WDFY2: variants seen among roughly 807,000 people sequenced by gnomAD.
WDFY2 encodes WD repeat and FYVE domain containing 2, also known as WD repeat and FYVE domain-containing protein 2.
In WDFY2, 36 loss-of-function variants were observed where a neutral mutation model predicts 56.4. The ratio of observed to expected loss-of-function variants is 0.64; its 90% confidence interval spans 0.49 to 0.84. WDFY2 has a LOEUF of 0.84. Among genes scored for constraint, WDFY2 ranks in the 40% least tolerant of loss-of-function variants. WDFY2 has a pLI of 0.00. For missense variants in WDFY2, 444 were observed against 512.2 expected (o/e 0.87, Z 1.29); for synonymous variants, 176 against 183.7 (o/e 0.96, Z 0.34).
At chr13:51,695,057 AT>A (rs1451391462) in intron 3 of WDFY2, among the ~76,000 whole-genome samples, 1 of 151,802 alleles carries the variant, frequency 6.6e-6, no homozygotes, top group Non-Finnish European at 1.5e-5. Flanking sequence ...ACTTCTCTAT[AT>A]TGGTTATTCT....
chr13:51,642,512 G>C (rs1466954891), intron 1 of WDFY2, among the ~76,000 whole-genome samples: 1 of 151,886 alleles, frequency 6.6e-6, no homozygotes, highest in Non-Finnish European at 1.5e-5. Flanking sequence ...TGCCCAAGCT[G>C]ATCTGGAACT....
intron 4 of WDFY2, among the ~76,000 whole-genome samples, chr13:51,709,979 C>CA (rs970061191): frequency 1.1e-4 from 16 of 150,670 alleles, no homozygotes; most frequent in African/African-American, 2.5e-4. Flanking sequence ...AGAGACACAA[C>CA]AAAAAAAAAG....
chr13:51,755,388 CA>C lies in WDFY2; in HGVS notation c.866del (p.Lys289SerfsTer21), dbSNP rs749078834. On this transcript the variant is annotated frameshift_variant, in exon 9 of 12. Transcript: ENST00000298125. LOFTEE classifies it high-confidence loss of function. ...TPEWLDSDSC[Q>X]KCDQPFFWNF... ...TGAATGGTTGGACAGTGATTCCTGC[CA>C]AAAGTGTGATCAGCCTTTCTTCTGG... is the stretch of plus-strand genomic sequence containing the variant. 2 of 1,614,002 alleles carry C rather than the reference CA, an allele frequency of 1.2e-6. No individual in the cohort carries two copies. Among genetic ancestry groups the C allele is most frequent in the African/African-American group, 2.7e-5 (2 of 74,890 alleles).
intron 1 of WDFY2, among the ~76,000 whole-genome samples, chr13:51,642,834 C>T (rs1035238896): frequency 6.6e-6 from 1 of 152,012 alleles, no homozygotes; most frequent in Admixed American, 6.6e-5. Flanking sequence ...GTGCACACCA[C>T]CATACCCAGC....
At chr13:51,653,877 T>C (rs1179528775) in intron 1 of WDFY2, among the ~76,000 whole-genome samples, 1 of 152,252 alleles carries the variant, frequency 6.6e-6, no homozygotes, top group Non-Finnish European at 1.5e-5. Flanking sequence ...GGAGGCAGTC[T>C]GTCCGTTCTC....
chr13:51,746,665 T>TA (rs1266205592), intron 7 of WDFY2, among the ~76,000 whole-genome samples: 1 of 152,182 alleles, frequency 6.6e-6, no homozygotes, highest in Non-Finnish European at 1.5e-5. Flanking sequence ...GGGCAATGAG[T>TA]GAGAATTGGG....
chr13:51,694,160 A>T (rs1450511981), intron 3 of WDFY2, among the ~76,000 whole-genome samples: 2 of 152,146 alleles, frequency 1.3e-5, no homozygotes, highest in Non-Finnish European at 2.9e-5. Context: ...GTGTCTCTTA[A>T]TTGGAGCATT....
chr13:51,712,327 T>G (rs1952240151), intron 4 of WDFY2, among the ~76,000 whole-genome samples: 1 of 151,900 alleles, frequency 6.6e-6, no homozygotes, highest in Non-Finnish European at 1.5e-5. Flanking sequence ...GGGATAACAT[T>G]AGGAGAAATA....
At chr13:51,613,024 C>T (rs577642613) in intron 1 of WDFY2, among the ~76,000 whole-genome samples, 18 of 151,838 alleles carry the variant, frequency 1.2e-4, no homozygotes, top group East Asian at 3.9e-4. Flanking sequence ...TGGTGGAGGC[C>T]GTGGTGGCTG....
chr13:51,600,746 A>G (rs1954259429), intron 1 of WDFY2, among the ~76,000 whole-genome samples: 1 of 152,136 alleles, frequency 6.6e-6, no homozygotes, highest in African/African-American at 2.4e-5. Context: ...GAAAGAGAAG[A>G]AAGATAAGCA....
intron 1 of WDFY2, among the ~76,000 whole-genome samples, chr13:51,628,638 C>G (rs922866158): frequency 2.0e-5 from 3 of 152,224 alleles, no homozygotes; most frequent in Non-Finnish European, 4.4e-5. Flanking sequence ...CCGGCCTCTT[C>G]CGAGTGGTCC....
At chr13:51,679,126 C>G (rs1318860311) in intron 3 of WDFY2, among the ~76,000 whole-genome samples, 2 of 152,094 alleles carry the variant, frequency 1.3e-5, no homozygotes, top group African/African-American at 4.8e-5. Flanking sequence ...CATTATGTAA[C>G]GTAAAGGTAC....
At chr13:51,665,369 G>A (rs1955681769) in intron 2 of WDFY2, among the ~76,000 whole-genome samples, 1 of 152,180 alleles carries the variant, frequency 6.6e-6, no homozygotes, top group Non-Finnish European at 1.5e-5. Context: ...CTCAGATTAA[G>A]AGTGGAAGTT....
At chr13:51,612,239 T>C (rs1954517737) in intron 1 of WDFY2, among the ~76,000 whole-genome samples, 1 of 152,174 alleles carries the variant, frequency 6.6e-6, no homozygotes, top group South Asian at 2.1e-4. Context: ...CTCCACTGTG[T>C]AGCTTCTCTA....
chr13:51,670,988 G>T (rs1217053553), intron 2 of WDFY2, among the ~76,000 whole-genome samples: 1 of 152,072 alleles, frequency 6.6e-6, no homozygotes, highest in Non-Finnish European at 1.5e-5. Flanking sequence ...TTCCATTCCT[G>T]AGTTACTTCA....
At chr13:51,594,907 T>G (rs1954117292) in intron 1 of WDFY2, among the ~76,000 whole-genome samples, 2 of 152,216 alleles carry the variant, frequency 1.3e-5, no homozygotes, top group African/African-American at 4.8e-5. Context: ...GCAGGTAAGC[T>G]TTTTCTGTTG....
intron 6 of WDFY2, among the ~76,000 whole-genome samples, chr13:51,732,232 G>A (rs1173252038): frequency 6.6e-6 from 1 of 152,052 alleles, no homozygotes; most frequent in Non-Finnish European, 1.5e-5. Context: ...CCAGGTTCAA[G>A]CAATTCTCCT....
chr13:51,716,405 C>T (rs1319407294), intron 4 of WDFY2, among the ~76,000 whole-genome samples: 2 of 152,126 alleles, frequency 1.3e-5, no homozygotes, highest in Non-Finnish European at 2.9e-5. Flanking sequence ...TAAAAATCAA[C>T]AAGTGGGCCG....
intron 1 of WDFY2, among the ~76,000 whole-genome samples, chr13:51,635,673 A>G (rs1196312179): frequency 6.6e-6 from 1 of 152,186 alleles, no homozygotes; most frequent in Non-Finnish European, 1.5e-5. Context: ...CTTGGGAACT[A>G]CAGACAGGTG....
Sources: allele counts gnomAD v4.1 joint callset (sites outside exome capture counted in the v4.1 genomes callset), GRCh38; gene constraint gnomAD v4.1.1; transcripts MANE v1.5; gene names NCBI Gene and HGNC (gene_info 2026-07-23, HGNC 2026-07-21).